PCDHA5: variants seen among roughly 807,000 people sequenced by gnomAD.
PCDHA5 encodes protocadherin alpha-5.
In PCDHA5, 43 loss-of-function variants were observed where a neutral mutation model predicts 61.6. The ratio of observed to expected loss-of-function variants is 0.70; its 90% confidence interval spans 0.55 to 0.90. The LOEUF is 0.90. Among genes scored for constraint, PCDHA5 ranks in the 40% least tolerant of loss-of-function variants. The probability of loss-of-function intolerance (pLI) is 0.00; values close to 1 mark genes in which losing one functional copy is unlikely to be tolerated. For synonymous variants in PCDHA5, 627 were observed against 543.9 expected (o/e 1.15, Z -2.13); for missense variants, 1,298 against 1,222.7 (o/e 1.06, Z -0.92).
chr5:140,929,398 AG>A, intron 1 of PCDHA5: 1 of 1,510,096 alleles, frequency 6.6e-7, no homozygotes, highest in Non-Finnish European at 8.9e-7. Flanking sequence ...AATATTTCTT[AG>A]ACAAGCCTTT....
At chr5:140,888,695 A>G (rs1161003821) in intron 1 of PCDHA5, among the ~76,000 whole-genome samples, 3 of 152,094 alleles carry the variant, frequency 2.0e-5, no homozygotes, top group African/African-American at 7.2e-5. Flanking sequence ...CTCTTCTCTG[A>G]TTGGTAGGAA....
chr5:140,840,241 A>G (rs1237223547), intron 1 of PCDHA5, among the ~76,000 whole-genome samples: 1 of 152,048 alleles, frequency 6.6e-6, no homozygotes, highest in Non-Finnish European at 1.5e-5. Flanking sequence ...GAGAATCACT[A>G]TGCTATAAAA....
At chr5:140,876,684 C>T (rs973560970) in intron 1 of PCDHA5, 29 of 1,614,110 alleles carry the variant, frequency 1.8e-5, no homozygotes, top group Admixed American at 3.3e-5. Flanking sequence ...ACAAGAATTA[C>T]TACTCGTTGG....
chr5:140,856,398 A>G, intron 1 of PCDHA5: 1 of 1,598,482 alleles, frequency 6.3e-7, no homozygotes, highest in Non-Finnish European at 8.6e-7. Flanking sequence ...CAGGTTTTCC[A>G]TGTGGACGTG....
intron 1 of PCDHA5, chr5:140,876,038 G>A (rs2153335869): frequency 6.2e-7 from 1 of 1,613,822 alleles, no homozygotes; most frequent in East Asian, 2.2e-5. Context: ...AAAGATAAAA[G>A]TATATTGCCT....
chr5:140,954,208 A>C (rs568734009), intron 1 of PCDHA5, among the ~76,000 whole-genome samples: 1 of 152,254 alleles, frequency 6.6e-6, no homozygotes, highest in Admixed American at 6.5e-5. Context: ...GGTTGATCCC[A>C]TGTTTTTGCT....
chr5:140,935,280 G>A (rs1039041502), intron 1 of PCDHA5, among the ~76,000 whole-genome samples: 2 of 152,114 alleles, frequency 1.3e-5, no homozygotes, highest in Admixed American at 6.5e-5. Context: ...ATCTAATAAA[G>A]TTCAGCACTC....
rs139629080 is a variant in PCDHA5, at chr5:140,828,492, C to G, written c.2352+4365C>G. ...ATTAACGACAACCCGCCCTTGTTCC[C>G]GGTAGAGGAACAAAGAGTGCTGATT... On this transcript the variant is annotated intron_variant, in intron 1 of 3. Coordinates refer to ENST00000529859, the MANE Select transcript of PCDHA5 (RefSeq NM_018908.3). 3.7e-6 allele frequency: 6 copies of G among 1,614,162 alleles called. No homozygotes were observed. The highest frequency in any genetic ancestry group is 4.5e-5 in the East Asian group (2 of 44,888).
intron 1 of PCDHA5, chr5:140,827,999 G>T: frequency 6.7e-7 from 1 of 1,484,114 alleles, no homozygotes; most frequent in Non-Finnish European, 9.0e-7. Context: ...GATGGCGGAC[G>T]CAGAAGAAAT....
chr5:140,870,729 G>T (rs782392672), intron 1 of PCDHA5: 7 of 1,613,306 alleles, frequency 4.3e-6, no homozygotes, highest in Non-Finnish European at 5.1e-6. Flanking sequence ...CGGGCGTGCC[G>T]CCTCTGAGCA....
At chr5:140,869,725 C>T (rs1326402140) in intron 1 of PCDHA5, 1 of 1,613,284 alleles carries the variant, frequency 6.2e-7, no homozygotes, top group Non-Finnish European at 8.5e-7. Flanking sequence ...AACTCCGGAA[C>T]TTAATTTGCT....
intron 1 of PCDHA5, among the ~76,000 whole-genome samples, chr5:140,964,804 G>A (rs1484818069): frequency 6.6e-6 from 1 of 152,012 alleles, no homozygotes; most frequent in African/African-American, 2.4e-5. Context: ...CAAGAAAGGA[G>A]ACAGGAATAG....
intron 1 of PCDHA5, chr5:140,928,999 G>C: frequency 1.2e-6 from 2 of 1,613,936 alleles, no homozygotes; most frequent in Non-Finnish European, 1.7e-6. Context: ...ACTTTTCTTC[G>C]TGTGTACCAA....
intron 1 of PCDHA5, among the ~76,000 whole-genome samples, chr5:140,943,373 A>G (rs1554215633): frequency 6.6e-6 from 1 of 152,128 alleles, no homozygotes; most frequent in East Asian, 1.9e-4. Flanking sequence ...TCATTAAAAT[A>G]TACAGGTAAG....
rs1237134609 is a variant in PCDHA5 at position 141,011,353 on chromosome 5, A to T, written c.*1416A>T. 6.5e-6 allele frequency: 1 copy of T among 153,692 alleles called. No homozygotes were observed. The highest frequency in any genetic ancestry group is 1.5e-5 in the Non-Finnish European group (1 of 68,032). The allele number at this position is 153,692 out of a possible 1,614,324, so 9.5% of individuals were successfully genotyped here. On this transcript the variant is annotated 3_prime_UTR_variant, in exon 4 of 4. Coordinates refer to ENST00000529859, the MANE Select transcript of PCDHA5 (RefSeq NM_018908.3). ...ATGTTACCTGAAATCAATCTCCCAT[A>T]TGTATGCTGTATGCTATGCTAAGAC...
chr5:140,850,280 C>T lies in PCDHA5; in HGVS notation c.2352+26153C>T. ...CCGGCGTAGTGGTGGGGAAGGTGCG[C>T]GCAGTGGACGCCGACTCGGGCTACA... is the stretch of plus-strand genomic sequence containing the variant. On this transcript the variant is annotated intron_variant, in intron 1 of 3. Coordinates refer to ENST00000529859, the MANE Select transcript of PCDHA5 (RefSeq NM_018908.3). The T allele has an allele frequency of 3.1e-6, 5 of 1,595,478 alleles. 1 individual carries two copies. Among genetic ancestry groups the T allele is most frequent in the Non-Finnish European group, 8.6e-7 (1 of 1,167,556 alleles).
In PCDHA5 at chr5:140,822,610, T is replaced by C. The variant is rs1767364157; in HGVS notation, c.835T>C (p.Phe279Leu). The change falls in exon 1 of 4, where the codon TTC (phenylalanine) becomes CTC (leucine). Residue 279 changes from phenylalanine to leucine, a missense_variant. Transcript: ENST00000529859. ...DEGINKEIVYFFSNLVLDDVK... is the reference protein window; with the variant it reads ...DEGINKEIVYLFSNLVLDDVK... ...GGGCATCAATAAGGAAATAGTGTAT[T>C]TCTTTAGTAATCTTGTTCTTGACGA... is the stretch of plus-strand genomic sequence containing the variant. 10 of 1,611,874 alleles carry C rather than the reference T, an allele frequency of 6.2e-6. No homozygotes were observed. The highest frequency in any genetic ancestry group is 8.5e-6 in the Non-Finnish European group (10 of 1,178,290).
chr5:140,872,923 C>T (rs2053985502), intron 1 of PCDHA5, among the ~76,000 whole-genome samples: 1 of 152,102 alleles, frequency 6.6e-6, no homozygotes, highest in Non-Finnish European at 1.5e-5. Flanking sequence ...TGCCTTATCT[C>T]TAATGTTTTT....
chr5:141,000,419 A>T (rs1394449061), intron 3 of PCDHA5, among the ~76,000 whole-genome samples: 972 of 60,664 alleles, frequency 0.016, 14 homozygotes, highest in African/African-American at 0.023. Flanking sequence ...ATATATATAT[A>T]TATTTTTTTT....
Sources: gnomAD v4.1 joint callset for allele counts (sites outside exome capture counted in the v4.1 genomes callset) on GRCh38, gnomAD v4.1.1 for gene constraint, MANE v1.5 for transcripts, NCBI Gene and HGNC (gene_info 2026-07-23, HGNC 2026-07-21) for gene names.